DOCK2: variants seen among roughly 807,000 people sequenced by gnomAD.
DOCK2 encodes the protein dedicator of cytokinesis protein 2.
A neutral mutation model predicts 248.9 loss-of-function variants in DOCK2; 87 were observed. The ratio of observed to expected loss-of-function variants is 0.35; its 90% confidence interval spans 0.29 to 0.42. The LOEUF (loss-of-function observed/expected upper bound fraction) is 0.42. Among genes scored for constraint, DOCK2 ranks in the 10% least tolerant of loss-of-function variants. The pLI is 1.00. For missense variants in DOCK2, 1,747 were observed against 2,300.2 expected, an observed-to-expected ratio of 0.76 and a Z score of 4.92; for synonymous variants, 805 against 821.6, an observed-to-expected ratio of 0.98 and a Z score of 0.35.
Position 169,808,124 on chromosome 5 carries a change from C to T in DOCK2, c.2703+4918C>T, listed in dbSNP as rs148379665. 2.0e-4 allele frequency among the ~76,000 whole-genome samples: 31 copies of T among 152,272 alleles called. No individual in the cohort carries two copies. In the East Asian group the frequency reaches 5.6e-3, roughly 28 times the overall value. On this transcript the variant is annotated intron_variant, in intron 26 of 51. Transcript: ENST00000520908. ...TTTCTCCTGGTTGTTTGGACCTTCT[C>T]TGCTGACAAGAGCATAGCCATTTTT... is the stretch of plus-strand genomic sequence containing the variant.
chr5:169,817,788 T>G (rs1768161974), intron 26 of DOCK2, among the ~76,000 whole-genome samples: 2 of 152,186 alleles, frequency 1.3e-5, no homozygotes, highest in African/African-American at 4.8e-5. Context: ...GTCTTACGTT[T>G]CTCCCGTATT....
intron 8 of DOCK2, among the ~76,000 whole-genome samples, chr5:169,684,944 C>G (rs570826273): frequency 1.2e-4 from 19 of 152,326 alleles, no homozygotes; most frequent in African/African-American, 4.3e-4. Flanking sequence ...CCACTGCTAC[C>G]TGCCAATATC....
intron 8 of DOCK2, among the ~76,000 whole-genome samples, chr5:169,684,657 T>G (rs1759853598): frequency 6.6e-6 from 1 of 152,236 alleles, no homozygotes; most frequent in Admixed American, 6.5e-5. Flanking sequence ...TATGTACTTC[T>G]TTTTTGTTTT....
At chr5:170,071,356 T>C (rs1757673416) in intron 46 of DOCK2, among the ~76,000 whole-genome samples, 1 of 152,246 alleles carries the variant, frequency 6.6e-6, no homozygotes. Flanking sequence ...CAAAGCCAAA[T>C]ACACTTTGAA....
chr5:169,945,783 A>G (rs1432482818), intron 27 of DOCK2, among the ~76,000 whole-genome samples: 1 of 152,224 alleles, frequency 6.6e-6, no homozygotes, highest in Non-Finnish European at 1.5e-5. Context: ...TTCAGCAGCC[A>G]GCACCTCTGG....
chr5:169,850,325 T>A (rs573697355), intron 27 of DOCK2, among the ~76,000 whole-genome samples: 1 of 152,270 alleles, frequency 6.6e-6, no homozygotes, highest in South Asian at 2.1e-4. Flanking sequence ...AGGATTTGTA[T>A]CCCATCCGAG....
chr5:169,864,474 GAGGA>G, intron 27 of DOCK2: 1 of 1,507,794 alleles, frequency 6.6e-7, no homozygotes, highest in Non-Finnish European at 8.9e-7. Flanking sequence ...AAAACACAGA[GAGGA>G]AGGAAGGAAA....
rs112733531 is a variant in DOCK2, at chr5:169,859,121, A to T, written c.2799+18269A>T. 3.3e-4 allele frequency among the ~76,000 whole-genome samples: 50 copies of T among 152,334 alleles called. 1 individual carries two copies. The highest frequency in any genetic ancestry group is 1.2e-3 in the African/African-American group (48 of 41,582). On this transcript the variant is annotated intron_variant, in intron 27 of 51. Transcript: ENST00000520908. ...AGAAATGAAGTGGGTTTAGAACAGG[A>T]TGCCCACAGTGGAGAGGCACGCTGA...
At chr5:169,688,701 T>C (rs1291803175) in intron 8 of DOCK2, among the ~76,000 whole-genome samples, 1 of 152,170 alleles carries the variant, frequency 6.6e-6, no homozygotes, top group East Asian at 1.9e-4. Flanking sequence ...ATATAAATAG[T>C]GTTACAATGG....
chr5:170,013,468 G>A (rs1009935201), intron 32 of DOCK2, among the ~76,000 whole-genome samples: 5 of 152,000 alleles, frequency 3.3e-5, no homozygotes, highest in African/African-American at 4.8e-5. Context: ...CATCCTTATA[G>A]GTGAAAAACG....
At chr5:169,972,517 G>A (rs779293178) in intron 27 of DOCK2, among the ~76,000 whole-genome samples, 5 of 151,224 alleles carry the variant, frequency 3.3e-5, no homozygotes, top group Non-Finnish European at 7.4e-5. Context: ...GGACAAAATT[G>A]CCCCAGTTAA....
At chr5:170,043,824 T>C (rs1472850136) in intron 38 of DOCK2, among the ~76,000 whole-genome samples, 1 of 152,216 alleles carries the variant, frequency 6.6e-6, no homozygotes, top group African/African-American at 2.4e-5. Flanking sequence ...CAGCAAGATA[T>C]TCAATTCAGC....
intron 6 of DOCK2, 119 bp from the exon 7 acceptor site, chr5:169,681,622 AGAG>A (rs1330976880): frequency 4.5e-5 from 55 of 1,225,434 alleles, no homozygotes; most frequent in Non-Finnish European, 5.4e-5. Flanking sequence ...CTATCAGTGT[AGAG>A]CTCTTCTATG....
intron 26 of DOCK2, among the ~76,000 whole-genome samples, chr5:169,836,959 T>C (rs1581262520): frequency 6.6e-6 from 1 of 152,168 alleles, no homozygotes; most frequent in Non-Finnish European, 1.5e-5. Context: ...CTACAGGAGA[T>C]CAGTAGTTTT....
chr5:169,673,196 T>C (rs1453434321), intron 5 of DOCK2, among the ~76,000 whole-genome samples: 1 of 151,698 alleles, frequency 6.6e-6, no homozygotes, highest in African/African-American at 2.4e-5. Context: ...TGGTTCCTAG[T>C]TGGTTCCTCT....
At chr5:169,927,171 G>A (rs998209403) in intron 27 of DOCK2, among the ~76,000 whole-genome samples, 12 of 151,760 alleles carry the variant, frequency 7.9e-5, no homozygotes, top group South Asian at 2.1e-4. Context: ...GGAAGATCTC[G>A]GCCCTTTCCA....
intron 25 of DOCK2, among the ~76,000 whole-genome samples, chr5:169,796,532 A>G (rs1208626114): frequency 2.0e-5 from 3 of 152,196 alleles, no homozygotes; most frequent in African/African-American, 7.2e-5. Flanking sequence ...GTGTACCCCA[A>G]CTACAGCTTG....
rs1766949571 is a variant in DOCK2, at chr5:169,801,092, C to T, written c.2555-1966C>T. 2.0e-5 allele frequency among the ~76,000 whole-genome samples: 3 copies of T among 148,024 alleles called. No homozygotes were observed. In the South Asian group the frequency reaches 6.4e-4, roughly 32 times the overall value. The stretch of plus-strand genomic sequence containing the variant: ...GGCTTAAGCTATTCTCCTGCCTCAG[C>T]CTCCTGAGTCGCTGGGATTACAGGT... On this transcript the variant is annotated intron_variant, in intron 25 of 51. Transcript: ENST00000520908.
At chr5:170,053,622 T>C (rs188146743) in intron 41 of DOCK2, among the ~76,000 whole-genome samples, 13 of 152,350 alleles carry the variant, frequency 8.5e-5, no homozygotes, top group African/African-American at 1.2e-4. Context: ...CAGAGCAGGC[T>C]GTTGGCCACA....
Sources: allele counts gnomAD v4.1 joint callset (sites outside exome capture counted in the v4.1 genomes callset), GRCh38; gene constraint gnomAD v4.1.1; transcripts MANE v1.5; gene names NCBI Gene and HGNC (gene_info 2026-07-23, HGNC 2026-07-21).